Variants in PEBP4 observed in about 807,000 individuals in gnomAD.
PEBP4 encodes the protein phosphatidylethanolamine binding protein 4, also known as phosphatidylethanolamine-binding protein 4.
PEBP4 carries 22 observed loss-of-function variants against 23.9 expected under a neutral mutation model. That is an observed-to-expected ratio of 0.92 (90% confidence interval 0.66 to 1.31). PEBP4 has a LOEUF of 1.31. PEBP4 is among the 40% of genes most tolerant of loss of function. The probability of loss-of-function intolerance (pLI) is 0.00; values close to 1 mark genes in which losing one functional copy is unlikely to be tolerated. For missense variants in PEBP4, 324 were observed against 281.7 expected, an observed-to-expected ratio of 1.15 and a Z score of -1.07; for synonymous variants, 112 against 99.3, an observed-to-expected ratio of 1.13 and a Z score of -0.76.
intron 3 of PEBP4, among the ~76,000 whole-genome samples, chr8:22,872,837 T>C (rs768018626): frequency 3.9e-5 from 6 of 151,958 alleles, no homozygotes; most frequent in Non-Finnish European, 4.4e-5. Context: ...CCACCACGCC[T>C]AGCTAATTTT....
At chr8:22,852,211 G>A (rs1382919021) in intron 3 of PEBP4, among the ~76,000 whole-genome samples, 1 of 152,156 alleles carries the variant, frequency 6.6e-6, no homozygotes, top group Admixed American at 6.5e-5. Context: ...GTCTCTTGCC[G>A]ATTTCTCTTC....
chr8:22,933,333 G>A (rs1029474062), intron 1 of PEBP4, among the ~76,000 whole-genome samples: 1 of 152,192 alleles, frequency 6.6e-6, no homozygotes, highest in Non-Finnish European at 1.5e-5. Context: ...GGAATTTCAA[G>A]TAAAATAAAC....
chr8:22,813,401 T>A (rs752834223), intron 4 of PEBP4, among the ~76,000 whole-genome samples: 1 of 152,248 alleles, frequency 6.6e-6, no homozygotes, highest in Non-Finnish European at 1.5e-5. Flanking sequence ...TTGTTCTTAG[T>A]GTTCTTTGTC....
intron 3 of PEBP4, among the ~76,000 whole-genome samples, chr8:22,846,651 A>G (rs961753837): frequency 1.2e-4 from 18 of 152,010 alleles, no homozygotes; most frequent in African/African-American, 4.1e-4. Flanking sequence ...CTGATCCCCA[A>G]AGCATCTCAA....
intron 4 of PEBP4, among the ~76,000 whole-genome samples, chr8:22,736,563 C>T (rs1339474387): frequency 1.3e-5 from 2 of 152,146 alleles, no homozygotes; most frequent in Non-Finnish European, 2.9e-5. Flanking sequence ...TATATTGTTG[C>T]ACCACTGCAT....
chr8:22,736,430 C>T (rs1249573097), intron 4 of PEBP4, among the ~76,000 whole-genome samples: 1 of 151,842 alleles, frequency 6.6e-6, no homozygotes, highest in African/African-American at 2.4e-5. Flanking sequence ...CATAGTGAGA[C>T]CCCATTTCTA....
intron 4 of PEBP4, among the ~76,000 whole-genome samples, chr8:22,779,570 G>A (rs1805877543): frequency 6.6e-6 from 1 of 152,178 alleles, no homozygotes; most frequent in Non-Finnish European, 1.5e-5. Context: ...CTGGGCTGGT[G>A]CCGTGGTCCC....
intron 1 of PEBP4, among the ~76,000 whole-genome samples, chr8:22,935,991 C>A: frequency 6.8e-6 from 1 of 146,296 alleles, no homozygotes. Context: ...AAATCAACAA[C>A]CTAAATTTAC....
At position 22,727,233 on chromosome 8, in the gene PEBP4, A is replaced by G. The variant is rs1477384591; in HGVS notation, c.358-13T>C. The G allele has an allele frequency of 6.2e-7, 1 of 1,613,020 alleles. No individual in the cohort carries two copies. The highest frequency in any genetic ancestry group is 8.5e-7 in the Non-Finnish European group (1 of 1,179,770). ...TCAGGTCGGCGCCCTGAAAGAAGAGACAAGCAGGGCTGTAGGTTATGTCTT... is the reference window on the plus strand; with the variant it reads ...TCAGGTCGGCGCCCTGAAAGAAGAGGCAAGCAGGGCTGTAGGTTATGTCTT... On this transcript the variant is annotated splice_polypyrimidine_tract_variant and intron_variant, in intron 4 of 6. Coordinates refer to ENST00000256404, the MANE Select transcript of PEBP4 (RefSeq NM_144962.3).
intron 2 of PEBP4, among the ~76,000 whole-genome samples, chr8:22,922,005 C>T (rs538596752): frequency 6.6e-6 from 1 of 152,296 alleles, no homozygotes; most frequent in East Asian, 1.9e-4. Flanking sequence ...CCCTTTTTAT[C>T]AGAGTGGAAT....
intron 3 of PEBP4, among the ~76,000 whole-genome samples, chr8:22,828,446 T>G (rs1322957493): frequency 6.6e-6 from 1 of 152,328 alleles, no homozygotes; most frequent in Admixed American, 6.5e-5. Context: ...GCTCTGGAAC[T>G]GCCACTGACA....
intron 3 of PEBP4, among the ~76,000 whole-genome samples, chr8:22,866,097 G>T (rs1252546545): frequency 1.3e-5 from 2 of 152,234 alleles, no homozygotes; most frequent in Non-Finnish European, 2.9e-5. Flanking sequence ...AACTTCACTT[G>T]CCAAATTTTA....
chr8:22,891,345 C>A (rs1470496269), intron 3 of PEBP4, among the ~76,000 whole-genome samples: 1 of 152,200 alleles, frequency 6.6e-6, no homozygotes, highest in Non-Finnish European at 1.5e-5. Context: ...AGCCATGGAA[C>A]CAGGCTCCTC....
At chr8:22,822,769 A>G (rs1277370248) in intron 3 of PEBP4, among the ~76,000 whole-genome samples, 1 of 152,086 alleles carries the variant, frequency 6.6e-6, no homozygotes, top group Non-Finnish European at 1.5e-5. Flanking sequence ...TTATATGAAG[A>G]AAACAAAAAC....
At chr8:22,825,948 T>C (rs1158586010) in intron 3 of PEBP4, among the ~76,000 whole-genome samples, 2 of 152,182 alleles carry the variant, frequency 1.3e-5, no homozygotes, top group Non-Finnish European at 2.9e-5. Flanking sequence ...GGACAAATAT[T>C]GTGTGATTCC....
At chr8:22,724,779 C>CT in intron 6 of PEBP4, 64 bp downstream of exon 6, 1 of 1,297,794 alleles carries the variant, frequency 7.7e-7, no homozygotes. Flanking sequence ...CCGTAAATGC[C>CT]TGAAGCGTTT....
intron 3 of PEBP4, among the ~76,000 whole-genome samples, chr8:22,897,052 T>C (rs575667118): frequency 4.8e-4 from 73 of 151,922 alleles, no homozygotes; most frequent in African/African-American, 1.2e-3. Flanking sequence ...TGTGTATGTA[T>C]ATATATATAA....
chr8:22,897,374 G>A (rs571049441), intron 3 of PEBP4, among the ~76,000 whole-genome samples: 4 of 152,116 alleles, frequency 2.6e-5, no homozygotes, highest in South Asian at 2.1e-4. Flanking sequence ...ACTGCTTGTC[G>A]AAGGAGAAGA....
intron 4 of PEBP4, among the ~76,000 whole-genome samples, chr8:22,792,646 G>C (rs4871834): frequency 0.59 from 89,521 of 151,830 alleles, 26,586 homozygotes; most frequent in South Asian, 0.71. Flanking sequence ...AGCAAATTTC[G>C]TTCTAAGTAT....
Sources: gnomAD v4.1 joint callset for allele counts (sites outside exome capture counted in the v4.1 genomes callset) on GRCh38, gnomAD v4.1.1 for gene constraint, MANE v1.5 for transcripts, NCBI Gene and HGNC (gene_info 2026-07-23, HGNC 2026-07-21) for gene names.